Variants in SVIL observed in about 807,000 individuals in gnomAD.
SVIL encodes archvillin.
In SVIL, 101 loss-of-function variants were observed where a neutral mutation model predicts 240.4. That is an observed-to-expected ratio of 0.42 (90% CI 0.36 to 0.50). SVIL has a LOEUF of 0.50. Among genes scored for constraint, SVIL ranks in the 20% least tolerant of loss-of-function variants. The pLI, the probability that SVIL is intolerant of heterozygous loss-of-function variation, is 0.01. For synonymous variants in SVIL, 999 were observed against 1,100.0 expected (o/e 0.91, Z 1.82); for missense variants, 2,512 against 2,818.7 (o/e 0.89, Z 2.46).
rs1212882956 is a variant in SVIL at position 29,494,778 on chromosome 10, C to T, written c.3841+136G>A. On this transcript the variant is annotated intron_variant, in intron 20 of 37. Coordinates refer to ENST00000355867, the MANE Select transcript of SVIL (RefSeq NM_021738.3). ...ATTATTGGGAGTCCCCAATTTAGTA[C>T]GTTATCAAGTGAATCAGGGCTTGTT... 2.0e-5 allele frequency: 16 copies of T among 806,490 alleles called. No individual in the cohort carries two copies. The South Asian group carries it at 2.0e-4, about 10-fold the overall frequency. 50.0% of individuals were successfully genotyped at this position (806,490 alleles called of 1,614,324 possible).
chr10:29,506,368 G>A (rs1425330147), intron 17 of SVIL, among the ~76,000 whole-genome samples: 2 of 152,094 alleles, frequency 1.3e-5, no homozygotes, highest in Admixed American at 6.5e-5. Context: ...TTCCAGCTTC[G>A]GGGGAAGGAA....
intron 1 of SVIL, among the ~76,000 whole-genome samples, chr10:29,577,043 G>C (rs991692763): frequency 6.6e-6 from 1 of 152,016 alleles, no homozygotes; most frequent in African/African-American, 2.4e-5. Context: ...ACCATGCCCA[G>C]TTAATTTTTG....
At chr10:29,588,920 C>T (rs1006429389) in intron 1 of SVIL, among the ~76,000 whole-genome samples, 3 of 152,100 alleles carry the variant, frequency 2.0e-5, no homozygotes, top group Non-Finnish European at 2.9e-5. Context: ...CCCACCCCCC[C>T]TTTTATTCCT....
At position 29,613,375 on chromosome 10, in the gene SVIL, C is replaced by T. The variant is rs1957320710; in HGVS notation, c.-201+21045G>A. Among the ~76,000 whole-genome samples the T allele has an allele frequency of 2.0e-5, 3 of 151,982 alleles. No individual in the cohort carries two copies. In the South Asian group the frequency reaches 6.2e-4, roughly 32 times the overall value. ...TAGAGTGGGGTGTTGCTCTGTTGCT[C>T]AGGCCGGAGTGCAGTGGCGCAATCA... On this transcript the variant is annotated intron_variant, in intron 1 of 37. Coordinates refer to ENST00000355867, the MANE Select transcript of SVIL (RefSeq NM_021738.3).
In SVIL at chr10:29,658,695, G is replaced by A. The variant is rs1304214271; in HGVS notation, c.-300-627C>T. Among the ~76,000 whole-genome samples the A allele has an allele frequency of 2.0e-5, 3 of 152,186 alleles. No individual in the cohort carries two copies. The East Asian group carries it at 5.8e-4, about 29-fold the overall frequency. On this transcript the variant is annotated intron_variant, in intron 2 of 35. Coordinates refer to the SVIL transcript ENST00000375400. ...CACTTGAGTCCAGGAGGTTAAGGCT[G>A]CAGTGAGCCATGTTTGGATCACTGT...
intron 29 of SVIL, among the ~76,000 whole-genome samples, chr10:29,478,471 C>T (rs1274687989): frequency 6.6e-6 from 1 of 152,090 alleles, no homozygotes; most frequent in East Asian, 1.9e-4. Context: ...CCCTATTTTC[C>T]AGGTGAGAAA....
chr10:29,475,051 G>A (rs1946042326), intron 29 of SVIL, among the ~76,000 whole-genome samples: 2 of 152,112 alleles, frequency 1.3e-5, no homozygotes, highest in Non-Finnish European at 2.9e-5. Context: ...GAGGTTACAG[G>A]GTCTCCCTCT....
chr10:29,470,613 G>T, intron 31 of SVIL, 130 bp from the exon 32 acceptor site: 1 of 1,017,594 alleles, frequency 9.8e-7, no homozygotes, highest in Non-Finnish European at 1.5e-6. Context: ...TAGGGGACTG[G>T]AGGGGCTGAG....
At chr10:29,590,281 C>T (rs954420884) in intron 1 of SVIL, among the ~76,000 whole-genome samples, 2 of 152,090 alleles carry the variant, frequency 1.3e-5, no homozygotes, top group African/African-American at 2.4e-5. Context: ...TCCCGTGGCT[C>T]CCCAATTAAG....
intron 2 of SVIL, among the ~76,000 whole-genome samples, chr10:29,660,533 G>A (rs1959126802): frequency 6.6e-6 from 1 of 152,152 alleles, no homozygotes; most frequent in South Asian, 2.1e-4. Flanking sequence ...GCTTGAGCCT[G>A]GGAGGTGGAG....
At chr10:29,491,348 C>G (rs1947938233) in intron 21 of SVIL, among the ~76,000 whole-genome samples, 1 of 151,964 alleles carries the variant, frequency 6.6e-6, no homozygotes, top group Non-Finnish European at 1.5e-5. Flanking sequence ...TCCCCCCTAC[C>G]ACGCCCATGC....
At chr10:29,671,254 C>A (rs559668219) in intron 2 of SVIL, among the ~76,000 whole-genome samples, 1 of 152,258 alleles carries the variant, frequency 6.6e-6, no homozygotes, top group East Asian at 1.9e-4. Flanking sequence ...CATTATCAGC[C>A]AAGAGAAAAA....
chr10:29,562,225 A>G (rs550423608), intron 3 of SVIL, among the ~76,000 whole-genome samples: 1 of 152,334 alleles, frequency 6.6e-6, no homozygotes, highest in East Asian at 1.9e-4. Context: ...GAGACTAATG[A>G]TCATTCCTTG....
At position 29,463,399 on chromosome 10, in the gene SVIL, A is replaced by G. The variant is rs891088930; in HGVS notation, c.6277+93T>C. On this transcript the variant is annotated intron_variant, in intron 35 of 37. Transcript: ENST00000355867. ...GCTTTATGGATGGATGCTGGCTGAC[A>G]TGCACAGAAGGGGAAGGGGGTCTCC... 1.2e-5 allele frequency: 18 copies of G among 1,455,654 alleles called. No homozygotes were observed. In the Admixed American group the frequency reaches 4.2e-4, roughly 34 times the overall value. 90.2% of individuals were successfully genotyped at this position (1,455,654 alleles called of 1,614,324 possible).
intron 1 of SVIL, among the ~76,000 whole-genome samples, chr10:29,693,956 CATACATAG>C (rs1476797872): frequency 5.3e-5 from 8 of 151,974 alleles, no homozygotes; most frequent in African/African-American, 1.9e-4. Flanking sequence ...TACATACATA[CATACATAG>C]ATACATAGAT....
intron 16 of SVIL, among the ~76,000 whole-genome samples, chr10:29,516,224 C>T (rs1415130435): frequency 1.3e-5 from 2 of 152,176 alleles, no homozygotes; most frequent in African/African-American, 4.8e-5. Flanking sequence ...TGAAATTTTG[C>T]TTCTACATGT....
intron 3 of SVIL, among the ~76,000 whole-genome samples, chr10:29,644,410 C>T (rs774758453): frequency 4.6e-5 from 7 of 152,098 alleles, no homozygotes; most frequent in African/African-American, 1.7e-4. Flanking sequence ...CCCCAAGGAC[C>T]GAGAAACCCC....
At chr10:29,560,777 G>C (rs1954384076) in intron 3 of SVIL, among the ~76,000 whole-genome samples, 2 of 151,540 alleles carry the variant, frequency 1.3e-5, no homozygotes, top group South Asian at 4.2e-4. Context: ...TTCATAAAAA[G>C]CAAAGATATG....
In SVIL at chr10:29,628,982, C is replaced by T. The variant is rs193276328; in HGVS notation, c.-201+5438G>A. Among the ~76,000 whole-genome samples the T allele has an allele frequency of 3.2e-3, 484 of 152,242 alleles. 1 individual carries two copies. The highest frequency in any genetic ancestry group is 5.3e-3 in the Non-Finnish European group (361 of 68,020). ...ATGGGATTCTCACGGAGAGGGGTTC[C>T]ATCCCAGGGAGGCTGCGGGGACATC... On this transcript the variant is annotated intron_variant, in intron 1 of 37. Transcript: ENST00000355867.
Sources: gnomAD v4.1 joint callset for allele counts (sites outside exome capture counted in the v4.1 genomes callset) on GRCh38, gnomAD v4.1.1 for gene constraint, MANE v1.5 for transcripts, NCBI Gene and HGNC (gene_info 2026-07-23, HGNC 2026-07-21) for gene names.